Variants in HACD3 observed in about 807,000 individuals in gnomAD.
HACD3 encodes the protein 3-hydroxyacyl-CoA dehydratase 3, also known as very-long-chain (3R)-3-hydroxyacyl-CoA dehydratase 3.
Under a neutral mutation model 55.2 loss-of-function variants are expected in HACD3, and 30 were observed. The observed-to-expected ratio is 0.54, with a 90% CI of 0.41 to 0.74. The LOEUF (loss-of-function observed/expected upper bound fraction) is 0.74, where lower values mean the gene tolerates loss of function less well. Ranked by LOEUF, HACD3 falls within the 30% of genes least tolerant of loss-of-function variation. The pLI, the probability that HACD3 is intolerant of heterozygous loss-of-function variation, is 0.00. For synonymous variants in HACD3, 141 were observed against 151.7 expected, an observed-to-expected ratio of 0.93 and a Z score of 0.52; for missense variants, 363 against 440.1, an observed-to-expected ratio of 0.82 and a Z score of 1.57.
At chr15:65,571,293 TA>T (rs1383047333) in intron 8 of HACD3, among the ~76,000 whole-genome samples, 11 of 152,068 alleles carry the variant, frequency 7.2e-5, no homozygotes, top group African/African-American at 2.7e-4. Flanking sequence ...AACATCTGAG[TA>T]TCCAGTCCGT....
intron 1 of HACD3, 30 bp downstream of exon 1, chr15:65,530,748 C>G (rs1339377853): frequency 1.3e-6 from 2 of 1,522,540 alleles, no homozygotes; most frequent in Non-Finnish European, 1.8e-6. Flanking sequence ...GCGGGAAGCG[C>G]GCGGGATCGC....
chr15:65,555,547 G>A (rs2072180891), intron 3 of HACD3, among the ~76,000 whole-genome samples: 1 of 152,208 alleles, frequency 6.6e-6, no homozygotes, highest in Admixed American at 6.5e-5. Flanking sequence ...ATTACACTTA[G>A]CTCTGGTGGC....
rs1396214863 is a variant in HACD3, at chr15:65,551,721, C to T, written c.130+3C>T. 6 of 1,613,888 alleles carry T rather than the reference C, an allele frequency of 3.7e-6. No homozygotes were observed. Among genetic ancestry groups the T allele is most frequent in the Non-Finnish European group, 5.1e-6 (6 of 1,179,800 alleles). ...TGAAAACGTGCTGCATTTCAAAGGT[C>T]AGTATCCCAGCAAATGCTCCCATCT... is the stretch of plus-strand genomic sequence containing the variant. On this transcript the variant is annotated splice_donor_region_variant and intron_variant, in intron 2 of 10. Transcript: ENST00000261875.
intron 2 of HACD3, 69 bp downstream of exon 2, chr15:65,551,787 T>C: frequency 6.4e-7 from 1 of 1,560,890 alleles, no homozygotes; most frequent in African/African-American, 1.4e-5. Flanking sequence ...TTTCCCTTTT[T>C]TAAAAAAATG....
intron 1 of HACD3, among the ~76,000 whole-genome samples, chr15:65,537,929 T>A (rs2071971844): frequency 8.6e-6 from 1 of 116,592 alleles, no homozygotes; most frequent in Non-Finnish European, 1.7e-5. Flanking sequence ...GAGGCCAACT[T>A]CTCAGAAAAA....
At position 65,530,728 on chromosome 15, in the gene HACD3, G is replaced by T; in HGVS notation, c.87+10G>T. 6.5e-7 allele frequency: 1 copy of T among 1,541,192 alleles called. No homozygotes were observed. On this transcript the variant is annotated intron_variant, in intron 1 of 10. Coordinates refer to ENST00000261875, the MANE Select transcript of HACD3 (RefSeq NM_016395.4). ...GCTGAGTGACGTACAGGTAAAGGCCGGGTCGGGCGGCGGGAAGCGCGCGGG... is the reference window on the plus strand; with the variant it reads ...GCTGAGTGACGTACAGGTAAAGGCCTGGTCGGGCGGCGGGAAGCGCGCGGG...
At position 65,572,313 on chromosome 15, in the gene HACD3, T is replaced by C; in HGVS notation, c.959T>C (p.Ile320Thr). The change falls in exon 10 of 11, where the codon ATC becomes ACC. Residue 320 changes from isoleucine (I) to threonine (T), a missense_variant. Coordinates refer to ENST00000261875, the MANE Select transcript of HACD3 (RefSeq NM_016395.4). ...FSFTLPYPVK[I>T]KVRFSFFLQI... ...TTCACATTGCCATATCCAGTGAAAA[T>C]CAAAGTTAGATTTTCCTTTTTTCTT... 6.2e-7 allele frequency: 1 copy of C among 1,613,222 alleles called. No individual in the cohort carries two copies. The highest frequency in any genetic ancestry group is 2.2e-5 in the East Asian group (1 of 44,868).
In HACD3 at chr15:65,568,212, G is replaced by A. The variant is rs569201882; in HGVS notation, c.661-1879G>A. ...GCTGGGATTACAGACGTGAGCCACCGTGCCCGGCAATGGGTCATAGTTTCT... is the reference window on the plus strand; with the variant it reads ...GCTGGGATTACAGACGTGAGCCACCATGCCCGGCAATGGGTCATAGTTTCT... On this transcript the variant is annotated intron_variant, in intron 7 of 10. Transcript: ENST00000261875. 1.4e-3 allele frequency among the ~76,000 whole-genome samples: 214 copies of A among 151,958 alleles called. 1 individual carries two copies. Among genetic ancestry groups the A allele is most frequent in the Non-Finnish European group, 1.3e-3 (85 of 67,946 alleles).
At chr15:65,531,690 C>T (rs112662786) in intron 1 of HACD3, among the ~76,000 whole-genome samples, 1,893 of 152,166 alleles carry the variant, frequency 0.012, 40 homozygotes, top group African/African-American at 0.044. Flanking sequence ...CTCAGCCTCC[C>T]GAGTAGCTGG....
chr15:65,534,784 C>T (rs2071939019), intron 1 of HACD3, among the ~76,000 whole-genome samples: 1 of 152,148 alleles, frequency 6.6e-6, no homozygotes, highest in Admixed American at 6.5e-5. Flanking sequence ...CAGATATGAA[C>T]AGTAGTGCCT....
chr15:65,565,162 C>T (rs904733061), intron 7 of HACD3: 34 of 152,470 alleles, frequency 2.2e-4, no homozygotes, highest in African/African-American at 8.2e-4. Context: ...TAGGCAGCTC[C>T]ACTCCTGTGA....
At chr15:65,545,246 CTT>C (rs1411387341) in intron 1 of HACD3, among the ~76,000 whole-genome samples, 2 of 152,086 alleles carry the variant, frequency 1.3e-5, no homozygotes, top group Non-Finnish European at 2.9e-5. Flanking sequence ...TTGTCACCCT[CTT>C]AACATAAGGA....
chr15:65,530,752 G>A (rs758340384), intron 1 of HACD3, 34 bp downstream of exon 1: 2 of 1,521,052 alleles, frequency 1.3e-6, no homozygotes, highest in South Asian at 1.2e-5. Flanking sequence ...GAAGCGCGCG[G>A]GATCGCGGCT....
chr15:65,534,910 G>A (rs764282899), intron 1 of HACD3, among the ~76,000 whole-genome samples: 14 of 152,226 alleles, frequency 9.2e-5, no homozygotes, highest in Non-Finnish European at 2.1e-4. Context: ...AACCTTAGAT[G>A]AGAGGGATGG....
intron 5 of HACD3, 24 bp from the exon 6 acceptor site, chr15:65,562,750 T>G: frequency 1.2e-6 from 2 of 1,610,808 alleles, no homozygotes; most frequent in Non-Finnish European, 1.7e-6. Flanking sequence ...TTTTAATAGC[T>G]TACTGCTTTG....
rs745913002 is a variant in HACD3, at chr15:65,556,734, C to T, written c.205-5C>T. 6.2e-7 allele frequency: 1 copy of T among 1,604,176 alleles called. No homozygotes were observed. The highest frequency in any genetic ancestry group is 8.5e-7 in the Non-Finnish European group (1 of 1,173,230). ...GCATTCTCACATTTTCACTTTCTCT[C>T]CTAGCCTGTTTACAAACTGACCCAG... On this transcript the variant is annotated splice_polypyrimidine_tract_variant and splice_region_variant and intron_variant, in intron 3 of 10. Transcript: ENST00000261875.
chr15:65,570,969 TTCAAA>T (rs1420274293), intron 8 of HACD3, among the ~76,000 whole-genome samples: 1 of 152,216 alleles, frequency 6.6e-6, no homozygotes, highest in African/African-American at 2.4e-5. Context: ...TCCTATGTTT[TTCAAA>T]TCAGACACGT....
intron 1 of HACD3, among the ~76,000 whole-genome samples, chr15:65,549,599 CAAAA>C (rs5813363): frequency 2.8e-4 from 12 of 42,494 alleles, no homozygotes; most frequent in African/African-American, 8.4e-4. Flanking sequence ...GATTCCATCT[CAAAA>C]AAAAAAAAAA....
intron 1 of HACD3, among the ~76,000 whole-genome samples, chr15:65,539,479 C>T (rs897390325): frequency 3.9e-5 from 6 of 152,004 alleles, no homozygotes; most frequent in African/African-American, 1.5e-4. Flanking sequence ...CCTTGGCCTC[C>T]CAAAGCGCTA....
Sources: gnomAD v4.1 joint callset for allele counts (sites outside exome capture counted in the v4.1 genomes callset) on GRCh38, gnomAD v4.1.1 for gene constraint, MANE v1.5 for transcripts, NCBI Gene and HGNC (gene_info 2026-07-23, HGNC 2026-07-21) for gene names.